Variants in NRXN1 observed in about 807,000 individuals in gnomAD.
The protein encoded by NRXN1 is neurexin-1.
A neutral mutation model predicts 150.9 loss-of-function variants in NRXN1; 39 were observed. That is an observed-to-expected ratio of 0.26 (90% CI 0.20 to 0.34). The LOEUF is 0.34. Among genes scored for constraint, NRXN1 ranks in the 10% least tolerant of loss-of-function variants. NRXN1 has a pLI of 1.00. For synonymous variants in NRXN1, 924 were observed against 757.0 expected (o/e 1.22, Z -3.62); for missense variants, 1,815 against 1,949.9 (o/e 0.93, Z 1.30).
chr2:50,299,740 G>C (rs1470142198), intron 17 of NRXN1, among the ~76,000 whole-genome samples: 1 of 152,166 alleles, frequency 6.6e-6, no homozygotes, highest in Admixed American at 6.5e-5. Context: ...AACACAAGTA[G>C]TCCAACTAAA....
chr2:50,270,889 C>T (rs1031852686), intron 17 of NRXN1, among the ~76,000 whole-genome samples: 6 of 152,072 alleles, frequency 3.9e-5, no homozygotes, highest in African/African-American at 1.4e-4. Flanking sequence ...GAACTCCTAA[C>T]CTCAAATGAT....
At chr2:50,658,013 T>A (rs1686742582) in intron 5 of NRXN1, among the ~76,000 whole-genome samples, 1 of 152,074 alleles carries the variant, frequency 6.6e-6, no homozygotes, top group African/African-American at 2.4e-5. Context: ...AAGAGGTTTT[T>A]AGCCTTTACA....
chr2:50,505,386 A>G (rs1477843577), intron 13 of NRXN1, among the ~76,000 whole-genome samples: 1 of 152,166 alleles, frequency 6.6e-6, no homozygotes, highest in Non-Finnish European at 1.5e-5. Flanking sequence ...TTCAAGAGGC[A>G]CTCAGAGATT....
chr2:50,280,382 G>T (rs989533178), intron 17 of NRXN1, among the ~76,000 whole-genome samples: 1 of 151,938 alleles, frequency 6.6e-6, no homozygotes, highest in African/African-American at 2.4e-5. Context: ...AAATAAATGG[G>T]ATTTCAAGTT....
intron 18 of NRXN1, among the ~76,000 whole-genome samples, chr2:50,176,994 G>A (rs1216002032): frequency 6.6e-6 from 1 of 152,138 alleles, no homozygotes; most frequent in Non-Finnish European, 1.5e-5. Context: ...GGAAAAAAGA[G>A]AAGACATACA....
chr2:50,971,473 C>T (rs1694987233), intron 2 of NRXN1, among the ~76,000 whole-genome samples: 2 of 152,042 alleles, frequency 1.3e-5, no homozygotes, highest in Non-Finnish European at 2.9e-5. Flanking sequence ...ATCCCAGCTA[C>T]TCAGGAGGCT....
chr2:50,862,554 A>G (rs1345414552), intron 5 of NRXN1, among the ~76,000 whole-genome samples: 7 of 152,064 alleles, frequency 4.6e-5, no homozygotes, highest in Admixed American at 4.6e-4. Flanking sequence ...TACTAGACAC[A>G]TCATGTTCAT....
chr2:50,073,462 C>T (rs544701675), intron 19 of NRXN1, among the ~76,000 whole-genome samples: 39 of 152,112 alleles, frequency 2.6e-4, no homozygotes, highest in Non-Finnish European at 4.6e-4. Context: ...CATAATTAAC[C>T]TCTAGAATAC....
At chr2:50,960,373 T>C (rs978700614) in intron 2 of NRXN1, among the ~76,000 whole-genome samples, 8 of 149,404 alleles carry the variant, frequency 5.4e-5, no homozygotes, top group African/African-American at 2.0e-4. Flanking sequence ...CCTAGCAATG[T>C]AACTTTTCTT....
chr2:50,297,185 G>A (rs778649140), intron 17 of NRXN1, among the ~76,000 whole-genome samples: 19 of 152,162 alleles, frequency 1.2e-4, no homozygotes, highest in Admixed American at 5.2e-4. Flanking sequence ...CACCGCACCC[G>A]GCTGGTTTGA....
At chr2:50,992,010 A>C (rs1421372887) in intron 2 of NRXN1, among the ~76,000 whole-genome samples, 1 of 151,980 alleles carries the variant, frequency 6.6e-6, no homozygotes, top group African/African-American at 2.4e-5. Context: ...TTTCGTCTAA[A>C]AGCCTAAGAC....
At chr2:50,186,433 A>G (rs905122758) in intron 18 of NRXN1, among the ~76,000 whole-genome samples, 3 of 152,114 alleles carry the variant, frequency 2.0e-5, no homozygotes, top group Admixed American at 2.0e-4. Flanking sequence ...ATATGAATTC[A>G]TTGTGTTCTT....
At chr2:50,006,268 T>G (rs1460622881) in intron 21 of NRXN1, among the ~76,000 whole-genome samples, 1 of 152,190 alleles carries the variant, frequency 6.6e-6, no homozygotes, top group East Asian at 1.9e-4. Context: ...CTTCTTGAAC[T>G]ACCGCACTTG....
intron 21 of NRXN1, among the ~76,000 whole-genome samples, chr2:49,982,878 T>G (rs921789496): frequency 6.6e-6 from 1 of 152,184 alleles, no homozygotes; most frequent in Non-Finnish European, 1.5e-5. Flanking sequence ...TTTATAGATC[T>G]TGAAACAATC....
At chr2:50,698,780 AAAG>A (rs1416196661) in intron 5 of NRXN1, among the ~76,000 whole-genome samples, 10 of 152,294 alleles carry the variant, frequency 6.6e-5, no homozygotes, top group South Asian at 6.2e-4. Context: ...AATTGCCCTC[AAAG>A]AAGGTTTTCT....
At chr2:50,258,824 A>T (rs1303606287) in intron 17 of NRXN1, among the ~76,000 whole-genome samples, 1 of 152,048 alleles carries the variant, frequency 6.6e-6, no homozygotes, top group Non-Finnish European at 1.5e-5. Flanking sequence ...GGATAAAATT[A>T]TATTAATCCC....
At chr2:49,967,195 A>C (rs1472410612) in intron 21 of NRXN1, among the ~76,000 whole-genome samples, 1 of 152,128 alleles carries the variant, frequency 6.6e-6, no homozygotes, top group Non-Finnish European at 1.5e-5. Context: ...ATTTCTTAGT[A>C]TTGACAGATA....
intron 2 of NRXN1, among the ~76,000 whole-genome samples, chr2:50,934,832 A>T (rs1688282912): frequency 6.6e-6 from 1 of 152,206 alleles, no homozygotes; most frequent in South Asian, 2.1e-4. Context: ...ACAATTAGGA[A>T]ATAAACCTGA....
chr2:50,819,883 C>T (rs1013548374), intron 5 of NRXN1, among the ~76,000 whole-genome samples: 1 of 152,142 alleles, frequency 6.6e-6, no homozygotes, highest in South Asian at 2.1e-4. Flanking sequence ...CTTGAGCAGA[C>T]ATCACTCATG....
Sources: allele counts gnomAD v4.1 joint callset (sites outside exome capture counted in the v4.1 genomes callset), GRCh38; gene constraint gnomAD v4.1.1; transcripts MANE v1.5; gene names NCBI Gene and HGNC (gene_info 2026-07-23, HGNC 2026-07-21).